The following PCLO variants were observed in gnomAD, a reference collection of about 807,000 sequenced individuals.
PCLO encodes the protein protein piccolo.
In PCLO, 82 loss-of-function variants were observed where a neutral mutation model predicts 427.5. The ratio of observed to expected loss-of-function variants is 0.19; its 90% CI spans 0.16 to 0.23. The LOEUF (loss-of-function observed/expected upper bound fraction) is 0.23, where lower values mean the gene tolerates loss of function less well. Ranked by LOEUF, PCLO falls within the 10% of genes least tolerant of loss-of-function variation. PCLO has a pLI of 1.00. For missense variants in PCLO, 6,239 were observed against 6,115.9 expected, an observed-to-expected ratio of 1.02 and a Z score of -0.67; for synonymous variants, 2,357 against 2,155.4, an observed-to-expected ratio of 1.09 and a Z score of -2.59.
rs545044461 is a variant in PCLO, at chr7:83,155,461, G to A, written c.1180C>T (p.Pro394Ser). ...EQPGPKALAQPPGVGKTPAQQ... is the reference protein window; with the variant it reads ...EQPGPKALAQSPGVGKTPAQQ... ...GCTGGAGTCTTTCCAACTCCAGGAG[G>A]CTGAGCTAAAGCCTTTGGCCCAGGC... Residue 394 changes from proline (P) to serine (S), a missense_variant, in exon 2 of 25, where the codon CCT becomes TCT. This residue lies in a region of PCLO where 4,677 missense variants were observed against 4,468.4 expected (regional missense o/e 1.05). Transcript: ENST00000333891. 2.4e-5 allele frequency: 39 copies of A among 1,606,088 alleles called. No homozygotes were observed. In the African/African-American group the frequency reaches 3.9e-4, roughly 16 times the overall value.
intron 9 of PCLO, among the ~76,000 whole-genome samples, chr7:82,887,106 T>C (rs1429754649): frequency 6.6e-6 from 1 of 152,184 alleles, no homozygotes; most frequent in African/African-American, 2.4e-5. Flanking sequence ...CGTAGCTTTT[T>C]TTGCGTTGCC....
At position 83,094,210 on chromosome 7, in the gene PCLO, C is replaced by CTGT. The variant is rs61363541; in HGVS notation, c.3300+40039_3300+40040insACA. Among the ~76,000 whole-genome samples the CTGT allele has an allele frequency of 9.2e-4, 116 of 126,012 alleles. 7 individuals are homozygous for CTGT. Among genetic ancestry groups the CTGT allele is most frequent in the East Asian group, 2.1e-3 (9 of 4,382 alleles). 82.7% of individuals were successfully genotyped at this position (126,012 alleles called of 152,430 possible). On this transcript the variant is annotated intron_variant, in intron 3 of 24. Transcript: ENST00000333891. ...AACCTTTTGGGACTGATTTTTTTTT[C>CTGT]TTTTTTTTTTTTTTTTTGAGACAGA...
At chr7:83,139,862 T>C (rs1791820269) in intron 2 of PCLO, among the ~76,000 whole-genome samples, 1 of 152,198 alleles carries the variant, frequency 6.6e-6, no homozygotes, top group Admixed American at 6.5e-5. Context: ...CACCTCCTTT[T>C]TATTTAATTA....
At chr7:82,832,079 T>A (rs1435362717) in intron 16 of PCLO, among the ~76,000 whole-genome samples, 1 of 152,084 alleles carries the variant, frequency 6.6e-6, no homozygotes. Flanking sequence ...TATATTCTCT[T>A]GTGGGAAGAT....
chr7:82,950,955 C>T lies in PCLO; in HGVS notation c.9633G>A (p.Gln3211=). The T allele has an allele frequency of 6.2e-7, 1 of 1,613,514 alleles. No individual in the cohort carries two copies. Residue 3211 remains glutamine, a synonymous_variant, in exon 6 of 25, where the codon CAG becomes CAA. Transcript: ENST00000333891. ...GCTCACGCTCCAAGTCTAGCTGCTG[C>T]TGTTGTTTATCTTCTTCAGGGACAA... is the stretch of plus-strand genomic sequence containing the variant. ...LLIVPEEDKQ[Q]QQLDLERELL...
chr7:83,073,105 G>A (rs533491688), intron 3 of PCLO, among the ~76,000 whole-genome samples: 14 of 151,732 alleles, frequency 9.2e-5, no homozygotes, highest in African/African-American at 2.9e-4. Context: ...ATGTCCCTGC[G>A]GACAGCCTCC....
chr7:83,033,162 A>T (rs1405488816), intron 3 of PCLO, among the ~76,000 whole-genome samples: 1 of 152,160 alleles, frequency 6.6e-6, no homozygotes, highest in Non-Finnish European at 1.5e-5. Flanking sequence ...ACTGTGAGTC[A>T]ATTAAACCTC....
intron 3 of PCLO, among the ~76,000 whole-genome samples, chr7:83,023,773 T>C (rs1562924880): frequency 6.6e-6 from 1 of 152,244 alleles, no homozygotes; most frequent in Non-Finnish European, 1.5e-5. Flanking sequence ...ACATGTCTTA[T>C]GCCCACCACA....
At chr7:82,940,666 T>G (rs556422605) in intron 6 of PCLO, among the ~76,000 whole-genome samples, 2 of 143,276 alleles carry the variant, frequency 1.4e-5, no homozygotes, top group African/African-American at 5.1e-5. Flanking sequence ...TATTTGCCAT[T>G]TTATAAAATT....
At chr7:83,140,931 C>G (rs1791844593) in intron 2 of PCLO, among the ~76,000 whole-genome samples, 1 of 152,198 alleles carries the variant, frequency 6.6e-6, no homozygotes, top group Non-Finnish European at 1.5e-5. Context: ...TCCCTTCATT[C>G]TGCATGATTG....
chr7:82,957,874 C>T (rs766250317), intron 4 of PCLO, among the ~76,000 whole-genome samples: 2 of 152,198 alleles, frequency 1.3e-5, no homozygotes, highest in Non-Finnish European at 2.9e-5. Context: ...TAGCAACACA[C>T]CACAACCTTG....
At chr7:83,113,172 C>T (rs760592473) in intron 3 of PCLO, among the ~76,000 whole-genome samples, 4 of 152,140 alleles carry the variant, frequency 2.6e-5, no homozygotes, top group Non-Finnish European at 5.9e-5. Flanking sequence ...GTCCTCTTAT[C>T]ATCATATCAT....
intron 3 of PCLO, among the ~76,000 whole-genome samples, chr7:83,003,031 T>C (rs1218240727): frequency 3.3e-5 from 5 of 151,640 alleles, no homozygotes; most frequent in Non-Finnish European, 7.4e-5. Flanking sequence ...AATGGAAATA[T>C]ATCTGAAAGA....
chr7:82,950,404 G>A lies in PCLO; in HGVS notation c.10184C>T (p.Ser3395Leu). The A allele has an allele frequency of 2.5e-6, 4 of 1,613,608 alleles. No individual in the cohort carries two copies. The highest frequency in any genetic ancestry group is 3.4e-6 in the Non-Finnish European group (4 of 1,179,808). ...AACAACATCTGTTAGAGGTATTTCTGAAACAGTGCTCAGGATACCAGGTGG... is the reference window on the plus strand; with the variant it reads ...AACAACATCTGTTAGAGGTATTTCTAAAACAGTGCTCAGGATACCAGGTGG... ...IAPPGILSTV[S>L]EIPLTDVVVK... The change falls in exon 6 of 25, where the codon TCA becomes TTA. Residue 3395 changes from serine (S) to leucine (L), a missense_variant. By Grantham distance (145) the Ser-to-Leu change is moderately radical (BLOSUM62 -2). Transcript: ENST00000333891.
chr7:82,984,840 T>C (rs1364983308), intron 3 of PCLO, among the ~76,000 whole-genome samples: 1 of 152,006 alleles, frequency 6.6e-6, no homozygotes, highest in Non-Finnish European at 1.5e-5. Context: ...GAATGAATAT[T>C]ATTTTGAATG....
intron 3 of PCLO, among the ~76,000 whole-genome samples, chr7:83,041,530 A>G (rs978424820): frequency 2.6e-5 from 4 of 152,196 alleles, no homozygotes; most frequent in Admixed American, 6.5e-5. Flanking sequence ...ACCAAATTAT[A>G]TATCATAGCC....
At chr7:82,869,127 T>C (rs140956475) in intron 10 of PCLO, among the ~76,000 whole-genome samples, 43 of 152,250 alleles carry the variant, frequency 2.8e-4, no homozygotes, top group African/African-American at 9.4e-4. Flanking sequence ...ACCAATGATA[T>C]GTATATAAAA....
rs562180314 is a variant in PCLO, at chr7:82,950,023, G to A, written c.10565C>T (p.Ala3522Val). 6.2e-7 allele frequency: 1 copy of A among 1,612,980 alleles called. No individual in the cohort carries two copies. The highest frequency in any genetic ancestry group is 8.5e-7 in the Non-Finnish European group (1 of 1,179,678). Reference sequence around the variant, plus strand: ...TGGTTCAGTTTGCACAGATATCTCTGCTACCGTTTGAACTGCTATGCTGGA... The same window carrying A: ...TGGTTCAGTTTGCACAGATATCTCTACTACCGTTTGAACTGCTATGCTGGA... ...KVSSIAVQTV[A>V]EISVQTEPVG... The change falls in exon 6 of 25, where the codon GCA (alanine) becomes GTA (valine). Residue 3522 changes from alanine (A) to valine (V), a missense_variant. Ala to Val is a moderately conservative substitution (Grantham distance 64). Transcript: ENST00000333891.
chr7:82,820,962 G>A (rs1791776890), intron 20 of PCLO: 2 of 1,228,516 alleles, frequency 1.6e-6, no homozygotes, highest in East Asian at 6.3e-5. Context: ...CTTACATGGT[G>A]ATGATGAAGT....
Sources: gnomAD v4.1 joint callset for allele counts (sites outside exome capture counted in the v4.1 genomes callset) on GRCh38, gnomAD v4.1.1 for gene constraint, gnomAD v4.1.1 regional missense constraint, MANE v1.5 for transcripts, NCBI Gene and HGNC (gene_info 2026-07-23, HGNC 2026-07-21) for gene names.